The following DAP3 variants were observed in gnomAD, a reference collection of about 807,000 sequenced individuals.
The protein encoded by DAP3 is death associated protein 3, also known as small ribosomal subunit protein mS29.
DAP3 carries 28 observed loss-of-function variants against 51.9 expected under a neutral mutation model. The observed-to-expected ratio is 0.54, with a 90% CI of 0.40 to 0.74. The LOEUF (loss-of-function observed/expected upper bound fraction) is 0.74. Among genes scored for constraint, DAP3 ranks in the 30% least tolerant of loss-of-function variants. The pLI, the probability that DAP3 is intolerant of heterozygous loss-of-function variation, is 0.00. For synonymous variants in DAP3, 170 were observed against 170.3 expected (o/e 1.00, Z 0.01); for missense variants, 458 against 483.5 (o/e 0.95, Z 0.49).
In DAP3 at chr1:155,727,744, T is replaced by C; in HGVS notation, c.603+6T>C. The C allele has an allele frequency of 6.2e-7, 1 of 1,613,370 alleles. No individual in the cohort carries two copies. The highest frequency in any genetic ancestry group is 8.5e-7 in the Non-Finnish European group (1 of 1,179,626). ...ATGAGCGCTTCCTGAACCAGGTGAC[T>C]AGACTCCCAGAAGTTGAGTGCTAGG... On this transcript the variant is annotated splice_donor_region_variant and intron_variant, in intron 7 of 12. Transcript: ENST00000368336.
chr1:155,716,490 G>A (rs750913054), intron 2 of DAP3, among the ~76,000 whole-genome samples: 50 of 151,388 alleles, frequency 3.3e-4, no homozygotes, highest in Non-Finnish European at 5.6e-4. Flanking sequence ...GGAGAATGGC[G>A]TAAACCCAGG....
chr1:155,732,159 T>G (rs1256355291), intron 11 of DAP3, 126 bp downstream of exon 11: 2 of 648,618 alleles, frequency 3.1e-6, no homozygotes, highest in African/African-American at 3.8e-5. Context: ...TGTATGCCCT[T>G]CCCCTGGATT....
chr1:155,710,651 A>G (rs1442999546), intron 2 of DAP3: 2 of 152,088 alleles, frequency 1.3e-5, no homozygotes, highest in African/African-American at 4.8e-5. Flanking sequence ...TATTTTTTTA[A>G]TCCTCATGAT....
upstream of DAP3, chr1:155,688,732 C>CCAACCGCCGCCAAAG: frequency 1.3e-6 from 2 of 1,518,330 alleles, no homozygotes; most frequent in Non-Finnish European, 1.8e-6. Flanking sequence ...CGCACGGCCA[C>CCAACCGCCGCCAAAG]CAACCGCCGC....
Position 155,737,040 on chromosome 1 carries a change from A to C in DAP3, c.1088A>C (p.Asn363Thr). 2.5e-6 allele frequency: 4 copies of C among 1,613,720 alleles called. No homozygotes were observed. Among genetic ancestry groups the C allele is most frequent in the Non-Finnish European group, 3.4e-6 (4 of 1,179,720 alleles). ...AGTTGTATTCAGTATTATTTGGAAAACAATTGGCTTCAACATGAGAAAGGT... is the reference window on the plus strand; with the variant it reads ...AGTTGTATTCAGTATTATTTGGAAACCAATTGGCTTCAACATGAGAAAGGT... ...FESCIQYYLENNWLQHEKAPT... is the reference protein window; with the variant it reads ...FESCIQYYLETNWLQHEKAPT... The change falls in exon 12 of 13, where the codon AAC becomes ACC. Residue 363 changes from asparagine (N) to threonine (T), a missense_variant. By Grantham distance (65) the Asn-to-Thr change is moderately conservative (BLOSUM62 0). Coordinates refer to ENST00000368336, the MANE Select transcript of DAP3 (RefSeq NM_004632.4).
chr1:155,725,139 A>G (rs1338564967), intron 4 of DAP3, among the ~76,000 whole-genome samples: 1 of 152,188 alleles, frequency 6.6e-6, no homozygotes, highest in Non-Finnish European at 1.5e-5. Context: ...TATATGCTTC[A>G]GTAATAGGAA....
intron 1 of DAP3, among the ~76,000 whole-genome samples, chr1:155,705,184 G>T (rs1207269860): frequency 6.6e-6 from 1 of 152,084 alleles, no homozygotes; most frequent in Non-Finnish European, 1.5e-5. Context: ...TACTTGGGAG[G>T]CTGAGGTGGG....
rs547145841 is a variant in DAP3, at chr1:155,693,683, C to T, written c.-8+4509C>T. Among the ~76,000 whole-genome samples, 11 of 142,022 alleles carry T rather than the reference C, an allele frequency of 7.7e-5. No homozygotes were observed. The South Asian group carries it at 8.3e-4, about 11-fold the overall frequency. 93.2% of individuals were successfully genotyped at this position (142,022 alleles called of 152,430 possible). On this transcript the variant is annotated intron_variant, in intron 1 of 12. Transcript: ENST00000368336. Reference sequence around the variant, plus strand: ...GCGTGATCAGAGATGCAATCCTGGCCGGGAGTGGTGGCTCACGCCTGTAAT... The same window carrying T: ...GCGTGATCAGAGATGCAATCCTGGCTGGGAGTGGTGGCTCACGCCTGTAAT...
intron 1 of DAP3, among the ~76,000 whole-genome samples, chr1:155,702,279 C>T: frequency 6.6e-6 from 1 of 151,584 alleles, no homozygotes; most frequent in Non-Finnish European, 1.5e-5. Context: ...ATCATCCTGG[C>T]TAACACAGGG....
intron 4 of DAP3, among the ~76,000 whole-genome samples, chr1:155,723,083 TAAA>T (rs1658180910): frequency 2.0e-5 from 3 of 152,070 alleles, no homozygotes; most frequent in Non-Finnish European, 4.4e-5. Flanking sequence ...TTTTTTTTTT[TAAA>T]TACTGCTCCT....
At chr1:155,711,294 A>G (rs1293759055) in intron 2 of DAP3, among the ~76,000 whole-genome samples, 1 of 152,072 alleles carries the variant, frequency 6.6e-6, no homozygotes, top group Non-Finnish European at 1.5e-5. Context: ...GCAGTTTGAG[A>G]CCAGCCTGGC....
chr1:155,721,395 T>C, intron 3 of DAP3, 122 bp from the exon 4 acceptor site: 2 of 447,768 alleles, frequency 4.5e-6, no homozygotes, highest in Admixed American at 3.7e-5. Context: ...TATATATGTA[T>C]GTATGTATAT....
chr1:155,704,509 T>C (rs1165853368), intron 1 of DAP3, among the ~76,000 whole-genome samples: 1 of 152,124 alleles, frequency 6.6e-6, no homozygotes, highest in Non-Finnish European at 1.5e-5. Context: ...TCAAATACTA[T>C]TGGAGTGACA....
upstream of DAP3, chr1:155,688,491 T>G: frequency 6.5e-7 from 1 of 1,548,976 alleles, no homozygotes; most frequent in Non-Finnish European, 8.7e-7. Context: ...CCCGCACGCG[T>G]ACGAGTGTCT....
intron 1 of DAP3, among the ~76,000 whole-genome samples, chr1:155,698,954 C>T (rs1050011468): frequency 1.4e-4 from 21 of 152,220 alleles, no homozygotes; most frequent in Middle Eastern, 3.4e-3. Flanking sequence ...TGGATTCTTT[C>T]GGGCCTCATG....
At chr1:155,704,767 G>A (rs1185608104) in intron 1 of DAP3, among the ~76,000 whole-genome samples, 2 of 151,724 alleles carry the variant, frequency 1.3e-5, no homozygotes, top group East Asian at 3.9e-4. Flanking sequence ...ATCACTTAAG[G>A]TCAAAATTTT....
intron 4 of DAP3, among the ~76,000 whole-genome samples, chr1:155,722,448 G>A (rs1658115154): frequency 6.6e-6 from 1 of 152,056 alleles, no homozygotes. Flanking sequence ...AGGCAAGGTA[G>A]TTTATGCCTG....
At chr1:155,714,326 A>G (rs1357710121) in intron 2 of DAP3, among the ~76,000 whole-genome samples, 2 of 152,256 alleles carry the variant, frequency 1.3e-5, no homozygotes, top group South Asian at 4.1e-4. Context: ...TTAGTTCCCA[A>G]CTAGCTGGGA....
At position 155,721,583 on chromosome 1, in the gene DAP3, T is replaced by A; in HGVS notation, c.235T>A (p.Phe79Ile). 1 of 1,614,076 alleles carries A rather than the reference T, an allele frequency of 6.2e-7. No individual in the cohort carries two copies. The highest frequency in any genetic ancestry group is 8.5e-7 in the Non-Finnish European group (1 of 1,180,028). ...CTCCCCCCAGGATTTGGAGACTGTA[T>A]TTCCCCATGGCCTTCCTCCTCGCTT... ...NISPQDLETV[F>I]PHGLPPRFVM... The change falls in exon 4 of 13, where the codon TTT becomes ATT. Residue 79 changes from phenylalanine to isoleucine, a missense_variant. By Grantham distance (21) the Phe-to-Ile change is conservative (BLOSUM62 0). Coordinates refer to ENST00000368336, the MANE Select transcript of DAP3 (RefSeq NM_004632.4).
Sources: allele counts gnomAD v4.1 joint callset (sites outside exome capture counted in the v4.1 genomes callset), GRCh38; gene constraint gnomAD v4.1.1; transcripts MANE v1.5; gene names NCBI Gene and HGNC (gene_info 2026-07-23, HGNC 2026-07-21).